Variants in SLC7A8 observed in about 807,000 individuals in gnomAD.
SLC7A8 encodes the protein large neutral amino acids transporter small subunit 2.
A neutral mutation model predicts 51.2 loss-of-function variants in SLC7A8; 30 were observed. That is an observed-to-expected ratio of 0.59 (90% CI 0.44 to 0.80). The LOEUF (loss-of-function observed/expected upper bound fraction) is 0.80. SLC7A8 is among the 30% of genes least tolerant of loss of function. The pLI is 0.00. For missense variants in SLC7A8, 612 were observed against 674.4 expected (o/e 0.91, Z 1.03); for synonymous variants, 257 against 275.8 (o/e 0.93, Z 0.67).
chr14:23,162,040 C>T (rs553667697), intron 3 of SLC7A8, among the ~76,000 whole-genome samples: 2 of 123,668 alleles, frequency 1.6e-5, no homozygotes, highest in African/African-American at 5.7e-5. Context: ...CCATAAAATT[C>T]AAAAAAAGAA....
chr14:23,178,023 C>A (rs1205357561), intron 1 of SLC7A8, among the ~76,000 whole-genome samples: 1 of 152,150 alleles, frequency 6.6e-6, no homozygotes, highest in Non-Finnish European at 1.5e-5. Flanking sequence ...GGGTTTGAAT[C>A]CTAGCTCCAA....
intron 1 of SLC7A8, among the ~76,000 whole-genome samples, chr14:23,180,135 T>C (rs1017619238): frequency 3.3e-5 from 5 of 152,118 alleles, no homozygotes; most frequent in South Asian, 2.1e-4. Context: ...CTTGATCTCC[T>C]GACCTCGTGA....
At position 23,183,093 on chromosome 14, in the gene SLC7A8, C is replaced by A. The variant is rs1594845254; in HGVS notation, c.-179G>T. On this transcript the variant is annotated 5_prime_UTR_variant, in exon 1 of 11. Coordinates refer to ENST00000316902, the MANE Select transcript of SLC7A8 (RefSeq NM_012244.4). ...ACGAAAAATATTCCTACTCCGCATTCACACTTTCTGGTCACTCGCGTTTAC... is the reference window on the plus strand; with the variant it reads ...ACGAAAAATATTCCTACTCCGCATTAACACTTTCTGGTCACTCGCGTTTAC... The A allele has an allele frequency of 3.5e-6, 1 of 287,864 alleles. No homozygotes were observed. Among genetic ancestry groups the A allele is most frequent in the Non-Finnish European group, 6.2e-6 (1 of 161,536 alleles). The allele number at this position is 287,864 out of a possible 1,614,324, so 17.8% of individuals were successfully genotyped here. A position where few individuals can be genotyped will look rare whatever the true frequency, so the allele number is the denominator to read the frequency against.
At chr14:23,180,098 A>G (rs112238651) in intron 1 of SLC7A8, among the ~76,000 whole-genome samples, 12,269 of 151,968 alleles carry the variant, frequency 0.081, 743 homozygotes, top group African/African-American at 0.16. Context: ...AGTAGAGACG[A>G]GGTTTCACCG....
In SLC7A8 at chr14:23,128,879, A is replaced by G. The variant is rs1310116355; in HGVS notation, c.1264-683T>C. 6.6e-6 allele frequency among the ~76,000 whole-genome samples: 1 copy of G among 152,218 alleles called. No individual in the cohort carries two copies. The highest frequency in any genetic ancestry group is 1.5e-5 in the Non-Finnish European group (1 of 68,040). On this transcript the variant is annotated intron_variant, in intron 9 of 10. Transcript: ENST00000316902. This position sits in a 1 kb window ranked among gnomAD's most constrained non-coding sequence, Gnocchi z 4.3. ...TAGCAGATTTTCTAAGTGTGAGAGTAGAAAATGGCGGTGGAAATGCCAGTG... is the reference window on the plus strand; with the variant it reads ...TAGCAGATTTTCTAAGTGTGAGAGTGGAAAATGGCGGTGGAAATGCCAGTG...
At chr14:23,150,486 T>C (rs1308973728) in intron 3 of SLC7A8, among the ~76,000 whole-genome samples, 2 of 152,142 alleles carry the variant, frequency 1.3e-5, no homozygotes, top group African/African-American at 4.8e-5. Context: ...CACAGAACTT[T>C]TGAACTTGAG....
rs1327032368 is a variant in SLC7A8, at chr14:23,165,631, A to G, written c.357-195T>C. On this transcript the variant is annotated intron_variant, in intron 2 of 10. Transcript: ENST00000316902. The surrounding 1 kb of genome is among the most constrained non-coding windows in gnomAD (Gnocchi z 4.2). ...TGGTTTAATGAAGAGTTAAATTTCCACAAGCACTAACACAAGTCTTGGCGT... is the reference window on the plus strand; with the variant it reads ...TGGTTTAATGAAGAGTTAAATTTCCGCAAGCACTAACACAAGTCTTGGCGT... Among the ~76,000 whole-genome samples, 2 of 151,984 alleles carry G rather than the reference A, an allele frequency of 1.3e-5. No individual in the cohort carries two copies. Among genetic ancestry groups the G allele is most frequent in the African/African-American group, 4.8e-5 (2 of 41,346 alleles).
At chr14:23,181,351 T>A (rs1024833410) in intron 1 of SLC7A8, among the ~76,000 whole-genome samples, 1 of 147,430 alleles carries the variant, frequency 6.8e-6, no homozygotes, top group Non-Finnish European at 1.5e-5. Context: ...ATTTTTCTTA[T>A]AACATTATCT....
At chr14:23,147,711 TA>T (rs1256445848) in intron 3 of SLC7A8, among the ~76,000 whole-genome samples, 2 of 152,182 alleles carry the variant, frequency 1.3e-5, no homozygotes. Flanking sequence ...GAAAGACTAT[TA>T]AGAAGACAAG....
chr14:23,156,964 A>T (rs1373166126), intron 3 of SLC7A8, among the ~76,000 whole-genome samples: 2 of 152,178 alleles, frequency 1.3e-5, no homozygotes, highest in Non-Finnish European at 2.9e-5. Context: ...ATTGAAACGA[A>T]GAAGAAGGCT....
chr14:23,169,268 G>C (rs1594839758), intron 1 of SLC7A8, among the ~76,000 whole-genome samples: 1 of 152,124 alleles, frequency 6.6e-6, no homozygotes, highest in South Asian at 2.1e-4. Context: ...TGAGGTGGGA[G>C]GACTGCTTGA....
chr14:23,128,322 C>T lies in SLC7A8; in HGVS notation c.1264-126G>A, dbSNP rs2048599452. The T allele has an allele frequency of 6.5e-7, 1 of 1,545,366 alleles. No homozygotes were observed. ...TCCTCAAGGGCAAAGGCTGGGCTTC[C>T]CTCGGCTCTGTGGTCCCACACTCAC... On this transcript the variant is annotated intron_variant, in intron 9 of 10. Transcript: ENST00000316902. This position sits in a 1 kb window ranked among gnomAD's most constrained non-coding sequence, Gnocchi z 4.3.
At chr14:23,161,264 C>A (rs1037036309) in intron 3 of SLC7A8, among the ~76,000 whole-genome samples, 7 of 152,028 alleles carry the variant, frequency 4.6e-5, no homozygotes, top group Non-Finnish European at 8.8e-5. Context: ...CAGACTTGGC[C>A]TCATCTCCTC....
At chr14:23,132,824 C>T (rs1263222560) in intron 7 of SLC7A8, among the ~76,000 whole-genome samples, 9 of 151,914 alleles carry the variant, frequency 5.9e-5, no homozygotes, top group African/African-American at 1.9e-4. Flanking sequence ...TTGGTGGAGA[C>T]GGGGTTTCTC....
At chr14:23,129,457 C>T (rs2048610989) in intron 9 of SLC7A8, 193 bp downstream of exon 9, 1 of 602,356 alleles carries the variant, frequency 1.7e-6, no homozygotes, top group Admixed American at 3.2e-5. Context: ...CTGCAGTCTG[C>T]TCCGATCTCA....
Position 23,165,495 on chromosome 14 carries a change from G to C in SLC7A8, c.357-59C>G. 2 of 1,518,274 alleles carry C rather than the reference G, an allele frequency of 1.3e-6. No individual in the cohort carries two copies. Among genetic ancestry groups the C allele is most frequent in the Non-Finnish European group, 1.8e-6 (2 of 1,139,474 alleles). The allele number at this position is 1,518,274 out of a possible 1,614,324, so 94.1% of individuals were successfully genotyped here. A position where few individuals can be genotyped will look rare whatever the true frequency, so the allele number is the denominator to read the frequency against. On this transcript the variant is annotated intron_variant, in intron 2 of 10. Coordinates refer to ENST00000316902, the MANE Select transcript of SLC7A8 (RefSeq NM_012244.4). The surrounding 1 kb of genome is among the most constrained non-coding windows in gnomAD (Gnocchi z 4.2). ...TGGCAGGGACGCAGAGCCATCAGGG[G>C]AGAGCCCGGGCAAGTCATGCATCTC...
chr14:23,155,165 C>T, intron 3 of SLC7A8: 1 of 1,535,948 alleles, frequency 6.5e-7, no homozygotes, highest in Non-Finnish European at 8.7e-7. Flanking sequence ...GAAGCACTTA[C>T]AACGTTTTAG....
chr14:23,137,259 G>A (rs1489453874), intron 7 of SLC7A8, among the ~76,000 whole-genome samples: 3 of 152,164 alleles, frequency 2.0e-5, no homozygotes, highest in African/African-American at 4.8e-5. Flanking sequence ...GCTCTGGGGT[G>A]GGGGTCACGG....
intron 10 of SLC7A8, 38 bp from the exon 11 acceptor site, chr14:23,127,381 G>A: frequency 1.2e-6 from 2 of 1,604,628 alleles, no homozygotes; most frequent in Non-Finnish European, 1.7e-6. Flanking sequence ...GGCCAATGCT[G>A]AGTATCCCAC....
Sources: gnomAD v4.1 joint callset for allele counts (sites outside exome capture counted in the v4.1 genomes callset) on GRCh38, gnomAD v4.1.1 for gene constraint, Gnocchi (gnomAD v3.1) non-coding constraint, MANE v1.5 for transcripts, NCBI Gene and HGNC (gene_info 2026-07-23, HGNC 2026-07-21) for gene names.